The following PCF11 variants were observed in gnomAD, a reference collection of about 807,000 sequenced individuals.
PCF11 encodes PCF11 cleavage and polyadenylation factor subunit, also known as pre-mRNA cleavage complex 2 protein Pcf11.
Under a neutral mutation model 166.1 loss-of-function variants are expected in PCF11, and 19 were observed. The ratio of observed to expected loss-of-function variants is 0.11; its 90% CI spans 0.08 to 0.17. The LOEUF (loss-of-function observed/expected upper bound fraction) is 0.17, where lower values mean the gene tolerates loss of function less well. Ranked by LOEUF, PCF11 falls within the 10% of genes least tolerant of loss-of-function variation. The pLI is 1.00. For missense variants in PCF11, 1,565 were observed against 1,855.5 expected (o/e 0.84, Z 2.88); for synonymous variants, 663 against 644.1 (o/e 1.03, Z -0.44).
exon 1 of PCF11, chr11:83,157,624 C>T (rs1860041621): frequency 6.2e-7 from 1 of 1,613,866 alleles, no homozygotes; most frequent in Non-Finnish European, 8.5e-7. Flanking sequence ...GAGGCCCAAA[C>T]CGCCAAGGTT....
intron 2 of PCF11, among the ~76,000 whole-genome samples, chr11:83,161,813 G>A (rs1260694621): frequency 6.6e-6 from 1 of 152,134 alleles, no homozygotes; most frequent in Non-Finnish European, 1.5e-5. Flanking sequence ...TCTGGTGTTA[G>A]GATGTTGACT....
intron 1 of PCF11, among the ~76,000 whole-genome samples, chr11:83,160,627 C>T (rs903176244): frequency 6.6e-6 from 1 of 152,020 alleles, no homozygotes; most frequent in African/African-American, 2.4e-5. Context: ...GGCGGAGAGT[C>T]CAGGCTGTGA....
intron 2 of PCF11, among the ~76,000 whole-genome samples, chr11:83,161,712 T>C (rs1413978289): frequency 6.6e-6 from 1 of 152,202 alleles, no homozygotes; most frequent in Non-Finnish European, 1.5e-5. Context: ...AAAAATTGAG[T>C]GTGTTCATTT....
Position 83,167,328 on chromosome 11 carries a change from CCATGTAGTCAT to C in PCF11, c.2001+24_2001+34del. ...CAAAAGGTAGTTACTATGATTAATC[CCATGTAGTCAT>C]CATTATCTATCGTCTATTTTTTTGG... On this transcript the variant is annotated intron_variant, in intron 6 of 15. Transcript: ENST00000298281. The surrounding 1 kb of genome is among the most constrained non-coding windows in gnomAD (Gnocchi z 4.2). The C allele has an allele frequency of 6.3e-7, 1 of 1,583,636 alleles. No homozygotes were observed. The highest frequency in any genetic ancestry group is 2.3e-5 in the East Asian group (1 of 44,428).
intron 11 of PCF11, chr11:83,180,204 CAGCCT>C (rs1355951721): frequency 1.3e-5 from 2 of 151,288 alleles, no homozygotes; most frequent in Non-Finnish European, 2.9e-5. Context: ...TCTCCTGCCT[CAGCCT>C]CCTAAGTAGC....
exon 4 of PCF11, chr11:83,164,299 A>G: frequency 1.2e-6 from 2 of 1,613,560 alleles, no homozygotes; most frequent in South Asian, 2.2e-5. Context: ...ATCTTACACA[A>G]GAACAACTAA....
chr11:83,185,421 AAAGAT>A (rs1217303689), exon 16 of PCF11: 1 of 151,562 alleles, frequency 6.6e-6, no homozygotes, highest in Non-Finnish European at 1.5e-5. Flanking sequence ...AAAAAATTTT[AAAGAT>A]AAAATAGGAC....
exon 1 of PCF11, chr11:83,157,210 AAG>A (rs1042785689): frequency 1.2e-5 from 7 of 584,158 alleles, no homozygotes; most frequent in African/African-American, 9.3e-5. Context: ...TCTGTGGAGA[AAG>A]AAGCTTCTGT....
intron 15 of PCF11, chr11:83,184,133 CAA>C (rs1861184365): frequency 9.6e-6 from 1 of 104,512 alleles, no homozygotes; most frequent in African/African-American, 4.0e-5. Flanking sequence ...ACCTGTGCGA[CAA>C]GAGTGAGCTC....
At chr11:83,161,264 A>C (rs1470330550) in intron 1 of PCF11, 63 bp from the exon 2 acceptor site, 5 of 1,371,626 alleles carry the variant, frequency 3.6e-6, no homozygotes, top group Non-Finnish European at 5.0e-6. Context: ...TTAAAAACTC[A>C]TTTTTAAATA....
At chr11:83,184,415 G>A (rs1403988798) in intron 15 of PCF11, 3 of 369,662 alleles carry the variant, frequency 8.1e-6, no homozygotes, top group Non-Finnish European at 1.5e-5. Flanking sequence ...GTAGAAGCAT[G>A]TCTAATCAAC....
chr11:83,162,189 T>C (rs1451576799), intron 2 of PCF11, among the ~76,000 whole-genome samples: 9 of 152,302 alleles, frequency 5.9e-5, no homozygotes, highest in African/African-American at 1.9e-4. Flanking sequence ...ATCTTTCACA[T>C]TGAACAAAAA....
rs1437602733 is a variant in PCF11 at position 83,157,699 on chromosome 11, A to G, written c.192+68A>G. The G allele has an allele frequency of 4.3e-6, 6 of 1,407,922 alleles. No homozygotes were observed. In the African/African-American group the frequency reaches 8.5e-5, roughly 20 times the overall value. 87.2% of individuals were successfully genotyped at this position (1,407,922 alleles called of 1,614,324 possible). On this transcript the variant is annotated intron_variant, in intron 1 of 15. Coordinates refer to ENST00000298281, the Ensembl canonical transcript of PCF11. ...CTGATTTTAGTGTCAGCCTCATCCC[A>G]GGTCTCGCTTCCATCCCAAGGGGGA...
intron 2 of PCF11, among the ~76,000 whole-genome samples, 168 bp from the exon 3 acceptor site, chr11:83,163,511 G>A (rs1035443064): frequency 6.6e-6 from 1 of 152,054 alleles, no homozygotes; most frequent in Non-Finnish European, 1.5e-5. Context: ...TAATTACTCT[G>A]TTTTTGAAGG....
chr11:83,170,932 A>G (rs1860667465), intron 8 of PCF11, among the ~76,000 whole-genome samples: 1 of 152,230 alleles, frequency 6.6e-6, no homozygotes, highest in South Asian at 2.1e-4. Context: ...ACTCTACTGT[A>G]TATCCTTGAA....
chr11:83,165,624 G>A, exon 5 of PCF11: 1 of 1,612,238 alleles, frequency 6.2e-7, no homozygotes, highest in Non-Finnish European at 8.5e-7. Context: ...TGTTCAGCAG[G>A]AAACATCCAA....
chr11:83,175,879 C>A (rs1225642501), intron 9 of PCF11, among the ~76,000 whole-genome samples: 1 of 152,236 alleles, frequency 6.6e-6, no homozygotes, highest in African/African-American at 2.4e-5. Context: ...TTAGGCTTAT[C>A]TTATTTATTC....
chr11:83,171,324 G>A (rs1218560401), intron 8 of PCF11: 1 of 454,160 alleles, frequency 2.2e-6, no homozygotes, highest in Admixed American at 2.4e-5. Flanking sequence ...ATTAGAACAG[G>A]CTTTTGATAT....
chr11:83,157,645 C>G lies in PCF11; in HGVS notation c.192+14C>G, dbSNP rs1860042368. 6.2e-7 allele frequency: 1 copy of G among 1,609,962 alleles called. No individual in the cohort carries two copies. Among genetic ancestry groups the G allele is most frequent in the Non-Finnish European group, 8.5e-7 (1 of 1,176,212 alleles). ...CAAACCGCCAAGGTTTTTATACACC[C>G]CGCAGCCTCCTATTACTTCTAATAC... On this transcript the variant is annotated intron_variant, in intron 1 of 15. Coordinates refer to ENST00000298281, the Ensembl canonical transcript of PCF11.
Sources: allele counts gnomAD v4.1 joint callset (sites outside exome capture counted in the v4.1 genomes callset), GRCh38; gene constraint gnomAD v4.1.1; non-coding constraint Gnocchi (gnomAD v3.1); transcripts MANE v1.5; gene names NCBI Gene and HGNC (gene_info 2026-07-23, HGNC 2026-07-21).